Variants in UAP1 observed in about 807,000 individuals in gnomAD.
UAP1 encodes UDP-N-acetylhexosamine pyrophosphorylase.
UAP1 carries 25 observed loss-of-function variants against 58.5 expected under a neutral mutation model. The observed-to-expected ratio is 0.43, with a 90% CI of 0.31 to 0.60. UAP1 has a LOEUF of 0.60. Ranked by LOEUF, UAP1 falls within the 20% of genes least tolerant of loss-of-function variation. The pLI, the probability that UAP1 is intolerant of heterozygous loss-of-function variation, is 0.11. For missense variants in UAP1, 575 were observed against 630.0 expected (o/e 0.91, Z 0.93); for synonymous variants, 208 against 213.0 (o/e 0.98, Z 0.21).
chr1:162,600,013 C>T (rs1335351913), downstream of UAP1, among the ~76,000 whole-genome samples: 1 of 152,152 alleles, frequency 6.6e-6, no homozygotes, highest in Admixed American at 6.5e-5. Flanking sequence ...AATAGTAGCT[C>T]TCACCCAAAG....
Position 162,598,041 on chromosome 1 carries a change from A to T in UAP1, c.1476+183A>T, listed in dbSNP as rs540948832. Among the ~76,000 whole-genome samples, 9 of 152,274 alleles carry T rather than the reference A, an allele frequency of 5.9e-5. No homozygotes were observed. In the South Asian group the frequency reaches 1.9e-3, roughly 32 times the overall value. On this transcript the variant is annotated intron_variant, in intron 10 of 10. Coordinates refer to ENST00000271469, the Ensembl canonical transcript of UAP1. ...TATATGCATTGAATCATCACATTGT[A>T]TCTGAAAAATATATACAATTATTGT...
chr1:162,572,745 C>T (rs1042169777), intron 2 of UAP1, among the ~76,000 whole-genome samples: 3 of 152,068 alleles, frequency 2.0e-5, no homozygotes, highest in Non-Finnish European at 2.9e-5. Context: ...ATCTGCATTT[C>T]GAAAATGGTA....
intron 6 of UAP1, among the ~76,000 whole-genome samples, chr1:162,588,379 C>G (rs1382743624): frequency 6.6e-6 from 1 of 152,186 alleles, no homozygotes; most frequent in Non-Finnish European, 1.5e-5. Context: ...AGCTGTGTTA[C>G]TGTTTCATCC....
chr1:162,597,011 A>C (rs536015990), intron 9 of UAP1, among the ~76,000 whole-genome samples: 13 of 152,230 alleles, frequency 8.5e-5, no homozygotes, highest in African/African-American at 3.1e-4. Flanking sequence ...GCTTGAGTGC[A>C]TTCTGCCTTA....
intron 10 of UAP1, 131 bp from the exon 11 acceptor site, chr1:162,599,140 G>T: frequency 1.8e-6 from 1 of 545,940 alleles, no homozygotes. Context: ...CTATTAAATA[G>T]ATTTTGACTT....
chr1:162,599,607 ACCATTGGCCAT>A (rs1655819899), exon 11 of UAP1: 1 of 313,936 alleles, frequency 3.2e-6, no homozygotes, highest in South Asian at 8.4e-5. Flanking sequence ...AGCCAAGGAG[ACCATTGGCCAT>A]CCAGGAAATT....
At chr1:162,599,814 T>C (rs1655829847) in exon 11 of UAP1, 1 of 152,448 alleles carries the variant, frequency 6.6e-6, no homozygotes, top group Non-Finnish European at 1.5e-5. Context: ...GGCAGTGAAA[T>C]AAATGTATCT....
chr1:162,588,903 T>A (rs1249297511), intron 7 of UAP1, 70 bp downstream of exon 7: 1 of 1,466,920 alleles, frequency 6.8e-7, no homozygotes, highest in Non-Finnish European at 9.1e-7. Flanking sequence ...CTCTTAGGCA[T>A]GAAACTGTTT....
chr1:162,576,637 A>C lies in UAP1; in HGVS notation c.281-140A>C, dbSNP rs3767749. On this transcript the variant is annotated intron_variant, in intron 2 of 10. Transcript: ENST00000271469. ...GATTCTCCACCACTAGCCTGTACCC[A>C]AAATCAGCAAATGGCCTCAGGACAA... The C allele has an allele frequency of 6.3e-3, 4,824 of 765,894 alleles. 101 individuals are homozygous for C. The highest frequency in any genetic ancestry group is 0.058 in the East Asian group (2,140 of 37,174). The allele number at this position is 765,894 out of a possible 1,614,324, so 47.4% of individuals were successfully genotyped here.
At chr1:162,585,561 C>G (rs1356566407) in intron 5 of UAP1, among the ~76,000 whole-genome samples, 1 of 152,194 alleles carries the variant, frequency 6.6e-6, no homozygotes, top group East Asian at 1.9e-4. Context: ...CACGCCCGTT[C>G]TATACTTTAT....
intron 1 of UAP1, among the ~76,000 whole-genome samples, chr1:162,564,668 A>G (rs1471094831): frequency 1.3e-5 from 2 of 152,142 alleles, no homozygotes; most frequent in Non-Finnish European, 2.9e-5. Context: ...ATCTCTTTAA[A>G]GCATGGTAAC....
At position 162,599,262 on chromosome 1, in the gene UAP1, T is replaced by C. The variant is rs557186423; in HGVS notation, c.1477-9T>C. 18 of 1,594,468 alleles carry C rather than the reference T, an allele frequency of 1.1e-5. No homozygotes were observed. Among genetic ancestry groups the C allele is most frequent in the African/African-American group, 1.3e-5 (1 of 74,396 alleles). On this transcript the variant is annotated splice_polypyrimidine_tract_variant and intron_variant, in intron 10 of 10. Transcript: ENST00000271469. ...TTCTAATTGTGTTTCATTTCAATCC[T>C]CTTTTTAGGGATTAGAAAGTTATGT...
At chr1:162,580,192 G>A (rs1005341145) in intron 4 of UAP1, among the ~76,000 whole-genome samples, 2 of 152,080 alleles carry the variant, frequency 1.3e-5, no homozygotes, top group Non-Finnish European at 2.9e-5. Context: ...TATGTATACT[G>A]CAATGTTCAT....
intron 9 of UAP1, chr1:162,593,238 G>A (rs1655425560): frequency 6.4e-6 from 1 of 157,318 alleles, no homozygotes; most frequent in Non-Finnish European, 1.4e-5. Context: ...CTGTTCTGTT[G>A]ATTTATTCTC....
chr1:162,574,078 TTTTTC>T (rs1305789846), intron 2 of UAP1, among the ~76,000 whole-genome samples: 20 of 151,850 alleles, frequency 1.3e-4, no homozygotes, highest in Non-Finnish European at 2.6e-4. Flanking sequence ...TGGAGTTATT[TTTTTC>T]TTTTCTTTTC....
At chr1:162,594,772 A>C (rs1000744053) in intron 9 of UAP1, among the ~76,000 whole-genome samples, 5 of 152,090 alleles carry the variant, frequency 3.3e-5, no homozygotes, top group African/African-American at 1.2e-4. Flanking sequence ...CATTATTCTT[A>C]CTCTTTTGTT....
At chr1:162,597,111 A>G (rs1264593471) in intron 9 of UAP1, 1 of 152,220 alleles carries the variant, frequency 6.6e-6, no homozygotes. Context: ...TTTGGGTTGT[A>G]CAGAAAAAAC....
intron 5 of UAP1, 51 bp downstream of exon 5, chr1:162,581,510 T>C: frequency 6.5e-7 from 1 of 1,537,856 alleles, no homozygotes; most frequent in Non-Finnish European, 8.8e-7. Flanking sequence ...TGCTCTGTCA[T>C]ATACGCATTC....
intron 9 of UAP1, chr1:162,593,785 G>C (rs923639250): frequency 2.0e-5 from 3 of 152,080 alleles, no homozygotes; most frequent in African/African-American, 7.3e-5. Flanking sequence ...AGTTTTTAAG[G>C]TAATTTGGGA....
Sources: gnomAD v4.1 joint callset for allele counts (sites outside exome capture counted in the v4.1 genomes callset) on GRCh38, gnomAD v4.1.1 for gene constraint, MANE v1.5 for transcripts, NCBI Gene and HGNC (gene_info 2026-07-23, HGNC 2026-07-21) for gene names.